Variants in PIBF1 observed in about 807,000 individuals in gnomAD.
PIBF1 encodes progesterone-induced-blocking factor 1.
Under a neutral mutation model 112.5 loss-of-function variants are expected in PIBF1, and 90 were observed. The ratio of observed to expected loss-of-function variants is 0.80; its 90% CI spans 0.67 to 0.95. The LOEUF is 0.95. Among genes scored for constraint, PIBF1 ranks in the 40% least tolerant of loss-of-function variants. The pLI is 0.00. For synonymous variants in PIBF1, 301 were observed against 288.6 expected, an observed-to-expected ratio of 1.04 and a Z score of -0.44; for missense variants, 915 against 852.3, an observed-to-expected ratio of 1.07 and a Z score of -0.92.
At chr13:72,839,404 A>G (rs1049471933) in intron 9 of PIBF1, among the ~76,000 whole-genome samples, 1 of 152,248 alleles carries the variant, frequency 6.6e-6, no homozygotes, top group African/African-American at 2.4e-5. Context: ...TAATAGGAAA[A>G]CATGATAAAT....
intron 12 of PIBF1, among the ~76,000 whole-genome samples, chr13:72,909,580 TG>T (rs2040827349): frequency 6.6e-6 from 1 of 151,730 alleles, no homozygotes; most frequent in Admixed American, 6.6e-5. Context: ...CCTCAACCTC[TG>T]CCTCCCGGTT....
intron 5 of PIBF1, among the ~76,000 whole-genome samples, chr13:72,814,005 G>A (rs556059432): frequency 6.6e-6 from 1 of 152,228 alleles, no homozygotes; most frequent in East Asian, 1.9e-4. Context: ...CAAATAAGGT[G>A]GATAAAGTCT....
intron 10 of PIBF1, among the ~76,000 whole-genome samples, chr13:72,873,956 A>G (rs1167069261): frequency 6.6e-6 from 1 of 152,230 alleles, no homozygotes; most frequent in East Asian, 1.9e-4. Context: ...CACTTCATGA[A>G]AGTAGAAATA....
chr13:72,965,684 G>T (rs1242058209), intron 15 of PIBF1, among the ~76,000 whole-genome samples: 1 of 152,138 alleles, frequency 6.6e-6, no homozygotes, highest in East Asian at 1.9e-4. Context: ...ATTGGTCCTT[G>T]TTTCCCTAGA....
At chr13:72,975,554 G>C (rs9573075) in intron 16 of PIBF1, among the ~76,000 whole-genome samples, 1 of 152,150 alleles carries the variant, frequency 6.6e-6, no homozygotes, top group Non-Finnish European at 1.5e-5. Flanking sequence ...CTGTATCTGA[G>C]AAATGGCATT....
At chr13:72,887,802 T>G (rs1013063715) in intron 10 of PIBF1, among the ~76,000 whole-genome samples, 17 of 152,090 alleles carry the variant, frequency 1.1e-4, no homozygotes, top group Non-Finnish European at 2.2e-4. Flanking sequence ...TCCTTTCTTT[T>G]TATATAACTC....
chr13:72,945,690 T>TG (rs1370027874), intron 14 of PIBF1, among the ~76,000 whole-genome samples: 2 of 152,198 alleles, frequency 1.3e-5, no homozygotes, highest in Non-Finnish European at 2.9e-5. Flanking sequence ...TTAACCAGAA[T>TG]TGTTATATTC....
At chr13:72,810,875 G>A (rs1402326408) in intron 5 of PIBF1, among the ~76,000 whole-genome samples, 1 of 83,028 alleles carries the variant, frequency 1.2e-5, no homozygotes, top group East Asian at 3.5e-4. Flanking sequence ...TTTTTTTTTT[G>A]AGACGGAGTC....
chr13:72,928,042 T>TACATATATATACATATATATATATAC (rs1464517375), intron 13 of PIBF1, among the ~76,000 whole-genome samples: 1 of 134,846 alleles, frequency 7.4e-6, no homozygotes, highest in Non-Finnish European at 1.6e-5. Context: ...TATATATATA[T>TACATATATATACATATATATATATAC]ATACATATAT....
chr13:72,917,091 A>G lies in PIBF1; in HGVS notation c.1655A>G (p.Glu552Gly). The G allele has an allele frequency of 6.3e-7, 1 of 1,584,394 alleles. No homozygotes were observed. The highest frequency in any genetic ancestry group is 1.8e-5 in the Admixed American group (1 of 55,996). Residue 552 changes from glutamate to glycine, a missense_variant, in exon 13 of 18, where the codon GAG becomes GGG. Physicochemically the swap from Glu to Gly is moderately conservative, Grantham distance 98. Coordinates refer to ENST00000326291, the MANE Select transcript of PIBF1 (RefSeq NM_006346.4). ...MQTAEIENED[E>G]AERVLFSYGY... ...TATTTTCCAGTTGAAAATGAAGATGAGGCTGAAAGGGTTCTTTTTTCCTAC... is the reference window on the plus strand; with the variant it reads ...TATTTTCCAGTTGAAAATGAAGATGGGGCTGAAAGGGTTCTTTTTTCCTAC...
At chr13:72,924,445 A>G (rs775344088) in intron 13 of PIBF1, among the ~76,000 whole-genome samples, 3 of 152,042 alleles carry the variant, frequency 2.0e-5, no homozygotes, top group Admixed American at 6.6e-5. Flanking sequence ...ACTTATCGCT[A>G]TGCACATGTC....
rs898187525 is a variant in PIBF1 at position 72,894,771 on chromosome 13, T to G, written c.1488+822T>G. 2.4e-3 allele frequency among the ~76,000 whole-genome samples: 230 copies of G among 96,144 alleles called. 1 individual carries two copies. Among genetic ancestry groups the G allele is most frequent in the Non-Finnish European group, 2.4e-3 (119 of 48,638 alleles). 63.1% of individuals were successfully genotyped at this position (96,144 alleles called of 152,430 possible). A position where few individuals can be genotyped will look rare whatever the true frequency, so the allele number is the denominator to read the frequency against. On this transcript the variant is annotated intron_variant, in intron 11 of 17. Coordinates refer to ENST00000326291, the MANE Select transcript of PIBF1 (RefSeq NM_006346.4). ...ATAATATATATATTATATATATATATAGTGTGTGTGTGTGTGTGTGTGTGT... is the reference window on the plus strand; with the variant it reads ...ATAATATATATATTATATATATATAGAGTGTGTGTGTGTGTGTGTGTGTGT...
Position 72,814,602 on chromosome 13 carries a change from C to T in PIBF1, c.673-7247C>T, listed in dbSNP as rs191082174. 1.2e-3 allele frequency among the ~76,000 whole-genome samples: 177 copies of T among 151,498 alleles called. 1 individual carries two copies. The highest frequency in any genetic ancestry group is 0.011 in the Admixed American group (166 of 15,210). Reference sequence around the variant, plus strand: ...AATAAACTTACTTGGCAATTAGAAACGTATCTTTTGGATTAAAGAGCAAAG... The same window carrying T: ...AATAAACTTACTTGGCAATTAGAAATGTATCTTTTGGATTAAAGAGCAAAG... On this transcript the variant is annotated intron_variant, in intron 5 of 17. Transcript: ENST00000326291.
intron 2 of PIBF1, among the ~76,000 whole-genome samples, chr13:72,784,494 C>T (rs1043527994): frequency 1.3e-5 from 2 of 151,054 alleles, no homozygotes; most frequent in African/African-American, 4.9e-5. Flanking sequence ...TGCGGTGGCT[C>T]ACACCTGTAA....
chr13:72,802,046 A>C (rs2035507435), intron 5 of PIBF1, among the ~76,000 whole-genome samples: 1 of 152,180 alleles, frequency 6.6e-6, no homozygotes, highest in African/African-American at 2.4e-5. Flanking sequence ...AATACAGTAT[A>C]TAATACATAT....
At position 72,797,959 on chromosome 13, in the gene PIBF1, A is replaced by G; in HGVS notation, c.605A>G (p.Gln202Arg). Residue 202 changes from glutamine to arginine, a missense_variant, in exon 5 of 18, where the codon CAA becomes CGA. By Grantham distance (43) the Gln-to-Arg change is conservative. Transcript: ENST00000326291. Reference protein sequence around the residue: ...NPLRKEICELQVKKNILAEEL... With the variant: ...NPLRKEICELRVKKNILAEEL... ...TTAAGAAAGGAAATCTGTGAACTAC[A>G]AGTGAAAAAGAATATCCTAGCAGAA... 3 of 1,610,626 alleles carry G rather than the reference A, an allele frequency of 1.9e-6. No individual in the cohort carries two copies. In the South Asian group the frequency reaches 3.3e-5, roughly 18 times the overall value.
At chr13:72,990,750 A>T (rs2043452861) in intron 16 of PIBF1, among the ~76,000 whole-genome samples, 1 of 151,620 alleles carries the variant, frequency 6.6e-6, no homozygotes, top group Admixed American at 6.6e-5. Flanking sequence ...CAGGAGACTG[A>T]GGTAGGAGAA....
At chr13:72,880,020 C>A (rs1461542509) in intron 10 of PIBF1, among the ~76,000 whole-genome samples, 1 of 152,148 alleles carries the variant, frequency 6.6e-6, no homozygotes, top group Non-Finnish European at 1.5e-5. Context: ...TGTCTGCATG[C>A]CAGCTTTCAG....
At chr13:72,993,821 C>A (rs947672931) in intron 16 of PIBF1, among the ~76,000 whole-genome samples, 1 of 151,224 alleles carries the variant, frequency 6.6e-6, no homozygotes, top group Non-Finnish European at 1.5e-5. Context: ...AGCAGTAATA[C>A]CATGAAAGCA....
Sources: allele counts gnomAD v4.1 joint callset (sites outside exome capture counted in the v4.1 genomes callset), GRCh38; gene constraint gnomAD v4.1.1; transcripts MANE v1.5; gene names NCBI Gene and HGNC (gene_info 2026-07-23, HGNC 2026-07-21).